Variants in MYO1B observed in about 807,000 individuals in gnomAD.
MYO1B encodes unconventional myosin-Ib.
MYO1B carries 72 observed loss-of-function variants against 159.7 expected under a neutral mutation model. The observed-to-expected ratio is 0.45, with a 90% CI of 0.37 to 0.55. The LOEUF is 0.55. Ranked by LOEUF, MYO1B falls within the 20% of genes least tolerant of loss-of-function variation. The pLI, the probability that MYO1B is intolerant of heterozygous loss-of-function variation, is 0.00. For missense variants in MYO1B, 1,062 were observed against 1,364.8 expected, an observed-to-expected ratio of 0.78 and a Z score of 3.50; for synonymous variants, 468 against 473.8, an observed-to-expected ratio of 0.99 and a Z score of 0.16.
At chr2:191,364,055 A>G in intron 10 of MYO1B, 103 bp from the exon 11 acceptor site, 1 of 1,199,964 alleles carries the variant, frequency 8.3e-7, no homozygotes, top group Non-Finnish European at 1.2e-6. Context: ...TTTTATACTG[A>G]TCTGTTTGAT....
chr2:191,364,520 G>A (rs961161878), intron 11 of MYO1B, among the ~76,000 whole-genome samples: 32 of 105,160 alleles, frequency 3.0e-4, no homozygotes, highest in African/African-American at 6.9e-4. Flanking sequence ...AAACTAGCCC[G>A]TGGTGTATGA....
chr2:191,380,309 A>T (rs1694962903), intron 13 of MYO1B, among the ~76,000 whole-genome samples: 1 of 152,164 alleles, frequency 6.6e-6, no homozygotes, highest in Non-Finnish European at 1.5e-5. Flanking sequence ...GTATGGAGGG[A>T]TTTGAAGGCC....
chr2:191,386,132 G>A (rs1173172578), intron 16 of MYO1B, 48 bp downstream of exon 16: 1 of 1,585,012 alleles, frequency 6.3e-7, no homozygotes, highest in East Asian at 2.2e-5. Flanking sequence ...AGTTACCCCT[G>A]CAAGGAGGCT....
intron 1 of MYO1B, among the ~76,000 whole-genome samples, chr2:191,251,731 G>C (rs1337553484): frequency 6.6e-6 from 1 of 152,140 alleles, no homozygotes; most frequent in Non-Finnish European, 1.5e-5. Flanking sequence ...GAATTGAAAG[G>C]ACAGTGGAAC....
intron 26 of MYO1B, 125 bp downstream of exon 26, chr2:191,409,303 T>C (rs1344738379): frequency 8.9e-6 from 10 of 1,129,858 alleles, no homozygotes; most frequent in African/African-American, 1.6e-5. Context: ...TTGAGGACTT[T>C]GGTGATTTTC....
chr2:191,357,758 A>G (rs1052735455), intron 7 of MYO1B, among the ~76,000 whole-genome samples: 2 of 152,164 alleles, frequency 1.3e-5, no homozygotes, highest in East Asian at 1.9e-4. Flanking sequence ...AATTGAATTT[A>G]TGTTCTCTAC....
chr2:191,300,115 A>G (rs373082310), intron 3 of MYO1B, among the ~76,000 whole-genome samples: 1 of 152,144 alleles, frequency 6.6e-6, no homozygotes, highest in Admixed American at 6.6e-5. Flanking sequence ...AACAGGGTCA[A>G]TGCTAACTTG....
intron 13 of MYO1B, among the ~76,000 whole-genome samples, chr2:191,372,865 C>T (rs1305685698): frequency 6.8e-6 from 1 of 148,024 alleles, no homozygotes; most frequent in East Asian, 2.0e-4. Flanking sequence ...ATGAAAATGC[C>T]TGCGTTATAT....
chr2:191,321,694 G>T (rs1328664999), intron 3 of MYO1B, among the ~76,000 whole-genome samples: 1 of 152,108 alleles, frequency 6.6e-6, no homozygotes, highest in Non-Finnish European at 1.5e-5. Context: ...ATGCGTTGGG[G>T]TTCAGATTTT....
rs1051515153 is a variant in MYO1B, at chr2:191,400,580, G to A, written c.2382+112G>A. On this transcript the variant is annotated intron_variant, in intron 22 of 30. Transcript: ENST00000392318. ...TTCACTGGCTTGAGCTACTGAGCACGTGTTTGCTTCTTGCTCTTTCCAACA... is the reference window on the plus strand; with the variant it reads ...TTCACTGGCTTGAGCTACTGAGCACATGTTTGCTTCTTGCTCTTTCCAACA... 1.0e-5 allele frequency: 14 copies of A among 1,385,560 alleles called. No homozygotes were observed. In the African/African-American group the frequency reaches 1.4e-4, roughly 14 times the overall value. The allele number at this position is 1,385,560 out of a possible 1,614,324, so 85.8% of individuals were successfully genotyped here.
intron 14 of MYO1B, among the ~76,000 whole-genome samples, chr2:191,382,550 A>G (rs1193069821): frequency 6.6e-6 from 1 of 152,204 alleles, no homozygotes; most frequent in African/African-American, 2.4e-5. Flanking sequence ...TTGATGGGTA[A>G]CTTAAAACAG....
chr2:191,389,072 C>T, intron 17 of MYO1B, among the ~76,000 whole-genome samples: 1 of 152,250 alleles, frequency 6.6e-6, no homozygotes, highest in East Asian at 1.9e-4. Flanking sequence ...CATTGATTTG[C>T]TTTGTGGCCT....
At position 191,400,732 on chromosome 2, in the gene MYO1B, T is replaced by C. The variant is rs1456518054; in HGVS notation, c.2383-17T>C. 1.2e-6 allele frequency: 2 copies of C among 1,613,098 alleles called. No individual in the cohort carries two copies. The highest frequency in any genetic ancestry group is 3.3e-5 in the Admixed American group (2 of 59,830). ...TGCCTTAAACTTTTCTGTAACTCCTTTTCAAATGCATCACAGGCACGAAGG... is the reference window on the plus strand; with the variant it reads ...TGCCTTAAACTTTTCTGTAACTCCTCTTCAAATGCATCACAGGCACGAAGG... On this transcript the variant is annotated splice_polypyrimidine_tract_variant and intron_variant, in intron 22 of 30. Coordinates refer to ENST00000392318, the MANE Select transcript of MYO1B (RefSeq NM_001130158.3).
At chr2:191,423,314 A>G (rs115413335) in intron 30 of MYO1B, among the ~76,000 whole-genome samples, 8,932 of 152,238 alleles carry the variant, frequency 0.059, 307 homozygotes, top group Non-Finnish European at 0.072. Context: ...ATAGTTGTCT[A>G]TCTAAACAGA....
intron 11 of MYO1B, among the ~76,000 whole-genome samples, chr2:191,364,546 C>T (rs1396411369): frequency 6.6e-6 from 1 of 152,134 alleles, no homozygotes; most frequent in Non-Finnish European, 1.5e-5. Context: ...GAACTGAGAG[C>T]AACAGTAGAG....
intron 1 of MYO1B, among the ~76,000 whole-genome samples, chr2:191,256,228 T>G (rs912622935): frequency 3.9e-5 from 6 of 152,172 alleles, no homozygotes; most frequent in African/African-American, 1.4e-4. Context: ...CAATACTGGT[T>G]TTTGAAACTT....
rs533047554 is a variant in MYO1B, at chr2:191,398,890, G to A, written c.2296-1492G>A. Among the ~76,000 whole-genome samples the A allele has an allele frequency of 6.6e-5, 10 of 152,202 alleles. No individual in the cohort carries two copies. In the East Asian group the frequency reaches 7.7e-4, roughly 12 times the overall value. On this transcript the variant is annotated intron_variant, in intron 21 of 30. Transcript: ENST00000392318. ...GCGGCCGGGCAGAGGCTGTAATCTC[G>A]GCTCTTTGGGAGGCCAAGGCAGGCG...
At chr2:191,413,312 G>A (rs1028895699) in intron 27 of MYO1B, among the ~76,000 whole-genome samples, 1 of 152,094 alleles carries the variant, frequency 6.6e-6, no homozygotes, top group African/African-American at 2.4e-5. Context: ...CTACAGTTGG[G>A]CAAAATCATC....
In MYO1B at chr2:191,369,604, A is replaced by C. The variant is rs139237206; in HGVS notation, c.1095A>C (p.Val365=). 7.4e-6 allele frequency: 12 copies of C among 1,613,508 alleles called. No individual in the cohort carries two copies. The Admixed American group carries it at 2.0e-4, about 27-fold the overall frequency. The part of the protein sequence containing the change: ...NLYSRLFSWL[V]NRINESIKAQ... ...ACAGCAGGTTGTTTTCATGGTTGGT[A>C]AATCGAATCAATGAAAGCATTAAGG... Residue 365 remains valine, a synonymous_variant, in exon 12 of 31, where the codon GTA becomes GTC. Transcript: ENST00000392318.
Sources: gnomAD v4.1 joint callset for allele counts (sites outside exome capture counted in the v4.1 genomes callset) on GRCh38, gnomAD v4.1.1 for gene constraint, MANE v1.5 for transcripts, NCBI Gene and HGNC (gene_info 2026-07-23, HGNC 2026-07-21) for gene names.